The following ATRN variants were observed in gnomAD, a reference collection of about 807,000 sequenced individuals.
ATRN encodes attractin, also known as attractin-2.
ATRN carries 54 observed loss-of-function variants against 178.7 expected under a neutral mutation model. The ratio of observed to expected loss-of-function variants is 0.30; its 90% CI spans 0.24 to 0.38. The LOEUF (loss-of-function observed/expected upper bound fraction) is 0.38, where lower values mean the gene tolerates loss of function less well. Among genes scored for constraint, ATRN ranks in the 10% least tolerant of loss-of-function variants. The pLI, the probability that ATRN is intolerant of heterozygous loss-of-function variation, is 1.00. For synonymous variants in ATRN, 636 were observed against 663.0 expected, an observed-to-expected ratio of 0.96 and a Z score of 0.63; for missense variants, 1,443 against 1,815.1, an observed-to-expected ratio of 0.79 and a Z score of 3.73.
intron 24 of ATRN, among the ~76,000 whole-genome samples, chr20:3,616,281 C>T (rs1600160782): frequency 6.6e-6 from 1 of 152,294 alleles, no homozygotes; most frequent in East Asian, 1.9e-4. Context: ...GCCAGGAACC[C>T]ACTAGACTTC....
intron 1 of ATRN, among the ~76,000 whole-genome samples, chr20:3,534,795 T>C (rs151517): frequency 0.27 from 40,654 of 151,988 alleles, 5,993 homozygotes; most frequent in African/African-American, 0.33. Flanking sequence ...GAGACTCTGT[T>C]TCTACAAAAA....
At chr20:3,607,721 T>C (rs899418210) in intron 24 of ATRN, among the ~76,000 whole-genome samples, 1 of 152,228 alleles carries the variant, frequency 6.6e-6, no homozygotes, top group Non-Finnish European at 1.5e-5. Context: ...ACTGATTTTC[T>C]TTCTTTTGGA....
At chr20:3,591,383 G>A (rs1412681882) in intron 19 of ATRN, 77 bp downstream of exon 19, 3 of 1,489,552 alleles carry the variant, frequency 2.0e-6, no homozygotes, top group Admixed American at 2.1e-5. Context: ...GAATATCTAG[G>A]AGGAAAAAAG....
chr20:3,584,474 T>C (rs1023910491), intron 17 of ATRN, among the ~76,000 whole-genome samples, 173 bp from the exon 18 acceptor site: 3 of 152,212 alleles, frequency 2.0e-5, no homozygotes, highest in Admixed American at 1.3e-4. Flanking sequence ...GGGTCATCTC[T>C]GTTATGTATT....
intron 4 of ATRN, among the ~76,000 whole-genome samples, chr20:3,546,878 G>A (rs941011267): frequency 6.6e-6 from 1 of 152,108 alleles, no homozygotes; most frequent in Non-Finnish European, 1.5e-5. Flanking sequence ...TTGGCAGTTT[G>A]TTTTATTCTT....
At chr20:3,554,353 T>TTTATTTA (rs2085834071) in intron 6 of ATRN, among the ~76,000 whole-genome samples, 3 of 73,400 alleles carry the variant, frequency 4.1e-5, no homozygotes, top group Admixed American at 1.6e-4. Flanking sequence ...TTATTTATTT[T>TTTATTTA]GAAATGGAGT....
rs755201780 is a variant in ATRN, at chr20:3,562,501, C to G, written c.1631+42C>G. 10 of 1,586,042 alleles carry G rather than the reference C, an allele frequency of 6.3e-6. No homozygotes were observed. In the African/African-American group the frequency reaches 1.2e-4, roughly 19 times the overall value. Reference sequence around the variant, plus strand: ...GAGCTTTCACTTTAAGGTGTAAATTCTGTAGAGGCAATTGTGGAGAAAATA... The same window carrying G: ...GAGCTTTCACTTTAAGGTGTAAATTGTGTAGAGGCAATTGTGGAGAAAATA... On this transcript the variant is annotated intron_variant, in intron 9 of 28. Coordinates refer to ENST00000262919, the MANE Select transcript of ATRN (RefSeq NM_139321.3).
chr20:3,626,976 G>A (rs944762618), intron 25 of ATRN, among the ~76,000 whole-genome samples: 2 of 151,796 alleles, frequency 1.3e-5, no homozygotes, highest in African/African-American at 2.4e-5. Flanking sequence ...TAGCAGAGAC[G>A]GGGTTTCACC....
At chr20:3,629,800 A>T (rs1271224766) in intron 25 of ATRN, among the ~76,000 whole-genome samples, 5 of 152,204 alleles carry the variant, frequency 3.3e-5, no homozygotes, top group African/African-American at 1.2e-4. Flanking sequence ...ACAACTCAGG[A>T]ACCGCCAAAT....
intron 6 of ATRN, among the ~76,000 whole-genome samples, chr20:3,557,378 A>G (rs1262243016): frequency 6.6e-6 from 1 of 152,232 alleles, no homozygotes; most frequent in Non-Finnish European, 1.5e-5. Flanking sequence ...CAGTACCAGC[A>G]GTGTTCAAGG....
intron 25 of ATRN, among the ~76,000 whole-genome samples, chr20:3,630,750 G>A (rs963334241): frequency 3.3e-5 from 5 of 152,098 alleles, no homozygotes; most frequent in Non-Finnish European, 7.4e-5. Context: ...CTTCTCCCTT[G>A]TGGGGGTTGA....
rs1323541589 is a variant in ATRN at position 3,648,558 on chromosome 20, G to A, written c.*1711G>A. On this transcript the variant is annotated 3_prime_UTR_variant, in exon 29 of 29. Transcript: ENST00000262919. ...CTGCAGCATTTTACCTTTAAATGCA[G>A]TGCCTAGAGAGAGAGTATTGTCTCT... The A allele has an allele frequency of 6.6e-6, 1 of 152,494 alleles. No individual in the cohort carries two copies. The highest frequency in any genetic ancestry group is 1.5e-5 in the Non-Finnish European group (1 of 68,042). The allele number at this position is 152,494 out of a possible 1,614,324, so 9.4% of individuals were successfully genotyped here.
intron 11 of ATRN, among the ~76,000 whole-genome samples, chr20:3,568,803 G>A (rs563420775): frequency 4.6e-5 from 7 of 152,268 alleles, no homozygotes; most frequent in African/African-American, 1.2e-4. Flanking sequence ...TGTAACACAC[G>A]TATTTTCTCA....
At chr20:3,595,432 A>G (rs938505444) in intron 20 of ATRN, among the ~76,000 whole-genome samples, 4 of 152,224 alleles carry the variant, frequency 2.6e-5, no homozygotes, top group African/African-American at 7.2e-5. Context: ...TTGAGACATC[A>G]TTGCTGGTGC....
At chr20:3,548,043 G>A (rs1276964011) in intron 5 of ATRN, among the ~76,000 whole-genome samples, 1 of 152,272 alleles carries the variant, frequency 6.6e-6, no homozygotes, top group Admixed American at 6.5e-5. Context: ...ACCTTAGTTT[G>A]TTGGGTTTGG....
intron 24 of ATRN, among the ~76,000 whole-genome samples, chr20:3,619,892 G>A (rs559534136): frequency 6.6e-6 from 1 of 152,278 alleles, no homozygotes; most frequent in East Asian, 1.9e-4. Flanking sequence ...GTGTGGCACA[G>A]GCTTGGACAT....
chr20:3,546,389 G>GTTTTTTTT, intron 4 of ATRN, among the ~76,000 whole-genome samples: 1 of 113,416 alleles, frequency 8.8e-6, no homozygotes, highest in Non-Finnish European at 1.8e-5. Context: ...TAGTTCAACT[G>GTTTTTTTT]TTTTTTTTTT....
chr20:3,481,201 T>A (rs2084615457), intron 1 of ATRN, among the ~76,000 whole-genome samples: 1 of 152,220 alleles, frequency 6.6e-6, no homozygotes. Context: ...GGCTTTCTTA[T>A]ATTTGTCTTG....
At chr20:3,541,998 G>A (rs911375470) in intron 3 of ATRN, among the ~76,000 whole-genome samples, 1 of 152,146 alleles carries the variant, frequency 6.6e-6, no homozygotes, top group African/African-American at 2.4e-5. Context: ...TTTTCTACCC[G>A]CTTTGGCTTA....
Sources: allele counts gnomAD v4.1 joint callset (sites outside exome capture counted in the v4.1 genomes callset), GRCh38; gene constraint gnomAD v4.1.1; transcripts MANE v1.5; gene names NCBI Gene and HGNC (gene_info 2026-07-23, HGNC 2026-07-21).